Variants in TRPV3 observed in about 807,000 individuals in gnomAD.
TRPV3 encodes the protein VRL-3.
Under a neutral mutation model 87.1 loss-of-function variants are expected in TRPV3, and 88 were observed. The observed-to-expected ratio is 1.01, with a 90% CI of 0.85 to 1.21. TRPV3 has a LOEUF of 1.21. TRPV3 is among the 50% of genes most tolerant of loss of function. The pLI, the probability that TRPV3 is intolerant of heterozygous loss-of-function variation, is 0.00. For missense variants in TRPV3, 1,054 were observed against 1,030.1 expected (o/e 1.02, Z -0.32); for synonymous variants, 438 against 423.3 (o/e 1.03, Z -0.43).
chr17:3,534,308 G>A (rs534809776), intron 7 of TRPV3, among the ~76,000 whole-genome samples: 9 of 152,086 alleles, frequency 5.9e-5, no homozygotes, highest in African/African-American at 1.9e-4. Flanking sequence ...CATGAGAATC[G>A]CTTGAACCCA....
chr17:3,514,527 T>G, intron 17 of TRPV3, 66 bp downstream of exon 17: 36 of 1,196,082 alleles, frequency 3.0e-5, no homozygotes, highest in East Asian at 4.7e-5. Context: ...CCCTTAGACT[T>G]GATCTGCCCA....
rs887806832 is a variant in TRPV3, at chr17:3,527,894, C to T, written c.1503+131G>A. 71 of 707,600 alleles carry T rather than the reference C, an allele frequency of 1.0e-4. 1 individual carries two copies. In the East Asian group the frequency reaches 1.9e-3, roughly 19 times the overall value. The allele number at this position is 707,600 out of a possible 1,614,324, so 43.8% of individuals were successfully genotyped here. A position where few individuals can be genotyped will look rare whatever the true frequency, so the allele number is the denominator to read the frequency against. On this transcript the variant is annotated intron_variant, in intron 11 of 17. Transcript: ENST00000576742. ...ATCCATTTTTTCCCATGTTATAACT[C>T]AGAAAGGTAAGGCTTGGGAAGGAAA... is the stretch of plus-strand genomic sequence containing the variant.
intron 12 of TRPV3, among the ~76,000 whole-genome samples, chr17:3,524,819 A>C (rs2074280923): frequency 2.6e-5 from 4 of 151,924 alleles, no homozygotes; most frequent in Admixed American, 2.6e-4. Context: ...AAAAAAAAAA[A>C]AAAAAAGAAA....
Position 3,510,972 on chromosome 17 carries a change from A to G in TRPV3, c.*2945T>C, listed in dbSNP as rs2074105194. 6.6e-6 allele frequency: 1 copy of G among 152,258 alleles called. No homozygotes were observed. Among genetic ancestry groups the G allele is most frequent in the Admixed American group, 6.5e-5 (1 of 15,290 alleles). The allele number at this position is 152,258 out of a possible 1,614,324, so 9.4% of individuals were successfully genotyped here. On this transcript the variant is annotated 3_prime_UTR_variant, in exon 18 of 18. Transcript: ENST00000576742. ...CTTTTATTCCTAACAGATATATCAC[A>G]TAATGTCTAGAATAATGAATTCTTC...
chr17:3,527,884 T>C lies in TRPV3; in HGVS notation c.1503+141A>G, dbSNP rs1225876693. ...GGCCAGCCTTATCCATTTTTTCCCATGTTATAACTCAGAAAGGTAAGGCTT... is the reference window on the plus strand; with the variant it reads ...GGCCAGCCTTATCCATTTTTTCCCACGTTATAACTCAGAAAGGTAAGGCTT... On this transcript the variant is annotated intron_variant, in intron 11 of 17. Transcript: ENST00000576742. 6.0e-6 allele frequency: 4 copies of C among 665,594 alleles called. No individual in the cohort carries two copies. The African/African-American group carries it at 7.2e-5, about 12-fold the overall frequency. 41.2% of individuals were successfully genotyped at this position (665,594 alleles called of 1,614,324 possible).
Position 3,513,859 on chromosome 17 carries a change from G to A in TRPV3, c.*58C>T, listed in dbSNP as rs188455894. On this transcript the variant is annotated 3_prime_UTR_variant, in exon 18 of 18. Transcript: ENST00000576742. ...CCTCAAAGCCTCTCTGCACAGAGTC[G>A]GTGACTCCGCCTGCAGCGCCAGACA... The A allele has an allele frequency of 6.9e-4, 1,009 of 1,454,680 alleles. 12 individuals carry two copies. The African/African-American group carries it at 0.013, about 18-fold the overall frequency. The allele number at this position is 1,454,680 out of a possible 1,614,324, so 90.1% of individuals were successfully genotyped here. A position where few individuals can be genotyped will look rare whatever the true frequency, so the allele number is the denominator to read the frequency against.
chr17:3,513,814 CA>C lies in TRPV3; in HGVS notation c.*102del. The stretch of plus-strand genomic sequence containing the variant: ...AGGGTGCACTCTGCTTCTAGGCCAG[CA>C]GAGCCGGACTCCACCATCCCTCAAA... On this transcript the variant is annotated 3_prime_UTR_variant, in exon 18 of 18. Transcript: ENST00000576742. 1 of 985,190 alleles carries C rather than the reference CA, an allele frequency of 1.0e-6. No homozygotes were observed. Among genetic ancestry groups the C allele is most frequent in the South Asian group, 1.4e-5 (1 of 69,702 alleles). The allele number at this position is 985,190 out of a possible 1,614,324, so 61.0% of individuals were successfully genotyped here.
chr17:3,520,502 G>A (rs16953125), intron 14 of TRPV3, among the ~76,000 whole-genome samples: 13,005 of 152,226 alleles, frequency 0.085, 677 homozygotes, highest in African/African-American at 0.14. Context: ...ATCTTAGGTC[G>A]TGAGGGCCAC....
chr17:3,520,578 C>T (rs1276598073), intron 14 of TRPV3, among the ~76,000 whole-genome samples: 1 of 152,090 alleles, frequency 6.6e-6, no homozygotes, highest in Non-Finnish European at 1.5e-5. Context: ...GAGTGGCTGG[C>T]CTGGTTTGAA....
rs1597482117 is a variant in TRPV3, at chr17:3,535,697, G to A, written c.660C>T (p.Asn220=). The stretch of plus-strand genomic sequence containing the variant: ...CCCCCTGCCGCCGCTCGATGGCGAT[G>A]TTCAGCGCCGTCTGCCCTGCGGAGC... ...EEAYEGQTAL[N]IAIERRQGDI... The change falls in exon 7 of 18, where the codon AAC becomes AAT. Residue 220 remains asparagine (N), a synonymous_variant. Coordinates refer to ENST00000576742, the MANE Select transcript of TRPV3 (RefSeq NM_145068.4). 6.4e-7 allele frequency: 1 copy of A among 1,564,310 alleles called. No individual in the cohort carries two copies. Among genetic ancestry groups the A allele is most frequent in the East Asian group, 2.4e-5 (1 of 41,156 alleles).
At chr17:3,525,226 G>A (rs536510401) in intron 12 of TRPV3, among the ~76,000 whole-genome samples, 3 of 152,148 alleles carry the variant, frequency 2.0e-5, no homozygotes, top group Admixed American at 2.0e-4. Context: ...CACCATGTTG[G>A]CCAGGCTGGT....
intron 14 of TRPV3, among the ~76,000 whole-genome samples, chr17:3,519,323 G>GC (rs2074210928): frequency 1.4e-5 from 2 of 141,138 alleles, no homozygotes; most frequent in South Asian, 4.3e-4. Flanking sequence ...CTGCTGAATG[G>GC]TTGGATGGAT....
At chr17:3,544,816 G>A (rs557239077) in intron 3 of TRPV3, 151 bp from the exon 4 acceptor site, 1 of 641,040 alleles carries the variant, frequency 1.6e-6, no homozygotes, top group Admixed American at 3.0e-5. Context: ...GGCCAACATG[G>A]TGAAACTAAA....
At chr17:3,515,593 G>A (rs1377571892) in intron 16 of TRPV3, among the ~76,000 whole-genome samples, 8 of 151,418 alleles carry the variant, frequency 5.3e-5, no homozygotes, top group African/African-American at 9.7e-5. Flanking sequence ...CCAGGGAGGC[G>A]GAGGTTGCAG....
intron 12 of TRPV3, among the ~76,000 whole-genome samples, chr17:3,526,482 TAA>T (rs112541565): frequency 2.1e-5 from 3 of 143,898 alleles, no homozygotes; most frequent in Admixed American, 7.0e-5. Context: ...CCACCTCAAC[TAA>T]AAAAAAAAAA....
At chr17:3,533,786 T>C (rs1020709246) in intron 7 of TRPV3, among the ~76,000 whole-genome samples, 2 of 152,192 alleles carry the variant, frequency 1.3e-5, no homozygotes, top group African/African-American at 4.8e-5. Context: ...TGTGAGTCAC[T>C]GCACTCGGTC....
At chr17:3,544,881 G>T (rs2074509092) in intron 3 of TRPV3, among the ~76,000 whole-genome samples, 1 of 152,116 alleles carries the variant, frequency 6.6e-6, no homozygotes, top group African/African-American at 2.4e-5. Context: ...AGGCGTGGTG[G>T]CATGTGCCTG....
intron 3 of TRPV3, 24 bp downstream of exon 3, chr17:3,545,143 G>C (rs1336476098): frequency 6.4e-7 from 1 of 1,570,990 alleles, no homozygotes; most frequent in Middle Eastern, 1.7e-4. Context: ...CAGGGCAAGG[G>C]GTTGGGCTGG....
rs2074318390 is a variant in TRPV3, at chr17:3,528,320, C to T, written c.1402-194G>A. 6.6e-6 allele frequency among the ~76,000 whole-genome samples: 1 copy of T among 152,134 alleles called. No individual in the cohort carries two copies. The highest frequency in any genetic ancestry group is 1.5e-5 in the Non-Finnish European group (1 of 68,006). ...ACTCTCCTCACCCTTGATGGAAACC[C>T]AGAACTCTACAACGAAGAATATCAT... On this transcript the variant is annotated intron_variant, in intron 10 of 17. Coordinates refer to ENST00000576742, the MANE Select transcript of TRPV3 (RefSeq NM_145068.4). The surrounding 1 kb of genome is among the most constrained non-coding windows in gnomAD (Gnocchi z 4.2).
Sources: allele counts gnomAD v4.1 joint callset (sites outside exome capture counted in the v4.1 genomes callset), GRCh38; gene constraint gnomAD v4.1.1; non-coding constraint Gnocchi (gnomAD v3.1); transcripts MANE v1.5; gene names NCBI Gene and HGNC (gene_info 2026-07-23, HGNC 2026-07-21).